The following ELMOD2 variants were observed in gnomAD, a reference collection of about 807,000 sequenced individuals.
The protein encoded by ELMOD2 is ELMO domain containing 2, also known as ELMO domain-containing protein 2.
A neutral mutation model predicts 41.0 loss-of-function variants in ELMOD2; 28 were observed. The ratio of observed to expected loss-of-function variants is 0.68; its 90% CI spans 0.51 to 0.94. The LOEUF (loss-of-function observed/expected upper bound fraction) is 0.94. ELMOD2 is among the 40% of genes least tolerant of loss of function. The pLI, the probability that ELMOD2 is intolerant of heterozygous loss-of-function variation, is 0.00. For synonymous variants in ELMOD2, 106 were observed against 107.2 expected (o/e 0.99, Z 0.07); for missense variants, 333 against 343.1 (o/e 0.97, Z 0.23).
intron 2 of ELMOD2, among the ~76,000 whole-genome samples, chr4:140,527,069 A>G (rs934770399): frequency 3.3e-5 from 5 of 152,138 alleles, no homozygotes; most frequent in East Asian, 1.9e-4. Context: ...TATCACCTCA[A>G]ATCTAAAGGC....
At chr4:140,532,006 G>A (rs1215976518) in intron 3 of ELMOD2, among the ~76,000 whole-genome samples, 3 of 152,014 alleles carry the variant, frequency 2.0e-5, no homozygotes, top group Non-Finnish European at 2.9e-5. Context: ...ACACTTTATG[G>A]GGCCAGTATC....
At chr4:140,540,371 A>T in intron 6 of ELMOD2, 70 bp downstream of exon 6, 5 of 1,530,338 alleles carry the variant, frequency 3.3e-6, no homozygotes, top group Non-Finnish European at 3.6e-6. Context: ...AGTTACTTCT[A>T]ATAAGAAGTG....
chr4:140,541,327 GTTT>G (rs918080539), intron 6 of ELMOD2, among the ~76,000 whole-genome samples: 3 of 151,970 alleles, frequency 2.0e-5, no homozygotes, highest in Non-Finnish European at 4.4e-5. Flanking sequence ...AATATTGATG[GTTT>G]TTTTAATTGT....
intron 3 of ELMOD2, among the ~76,000 whole-genome samples, chr4:140,533,154 G>A (rs1734804551): frequency 6.6e-6 from 1 of 152,110 alleles, no homozygotes; most frequent in Admixed American, 6.6e-5. Flanking sequence ...TTCCCAAATC[G>A]ATCTATGGAT....
intron 3 of ELMOD2, among the ~76,000 whole-genome samples, chr4:140,528,943 T>C (rs1734655618): frequency 6.6e-6 from 1 of 152,232 alleles, no homozygotes. Context: ...TTTATTTGTA[T>C]AGTTCCTTTA....
chr4:140,539,415 G>C (rs1253942452), intron 5 of ELMOD2, among the ~76,000 whole-genome samples: 1 of 151,182 alleles, frequency 6.6e-6, no homozygotes, highest in Admixed American at 6.6e-5. Context: ...AGGCTGGAGT[G>C]CAGTGGCGCC....
At position 140,539,253 on chromosome 4, in the gene ELMOD2, C is replaced by T. The variant is rs1048016687; in HGVS notation, c.400-915C>T. 3.9e-5 allele frequency among the ~76,000 whole-genome samples: 6 copies of T among 151,928 alleles called. No homozygotes were observed. In the East Asian group the frequency reaches 5.8e-4, roughly 15 times the overall value. On this transcript the variant is annotated intron_variant, in intron 5 of 8. Transcript: ENST00000323570. ...TCGCAAACCTTCTTTAGTCAACTTC[C>T]GTAAGTTTCTTTCATTTGATGGCTT... is the stretch of plus-strand genomic sequence containing the variant.
intron 6 of ELMOD2, chr4:140,542,313 T>C (rs1386654907): frequency 8.2e-6 from 2 of 242,778 alleles, no homozygotes; most frequent in Admixed American, 1.1e-4. Context: ...TTTTTTAAGG[T>C]AGTCTCTTTT....
intron 3 of ELMOD2, among the ~76,000 whole-genome samples, chr4:140,533,106 G>C (rs535142262): frequency 6.6e-6 from 1 of 152,266 alleles, no homozygotes; most frequent in East Asian, 1.9e-4. Context: ...ACCATACACT[G>C]TATTCATCCA....
intron 1 of ELMOD2, 87 bp from the exon 2 acceptor site, chr4:140,525,333 T>G: frequency 1.7e-4 from 223 of 1,325,916 alleles, no homozygotes; most frequent in Non-Finnish European, 2.1e-4. Context: ...ATACATAATT[T>G]GAGATTTGAT....
intron 3 of ELMOD2, 58 bp from the exon 4 acceptor site, chr4:140,535,675 C>A: frequency 6.9e-7 from 1 of 1,457,862 alleles, no homozygotes; most frequent in Non-Finnish European, 9.5e-7. Flanking sequence ...TGTCTCACAA[C>A]TATGTCTTTT....
chr4:140,531,964 A>G (rs1734761929), intron 3 of ELMOD2, among the ~76,000 whole-genome samples: 1 of 152,204 alleles, frequency 6.6e-6, no homozygotes, highest in South Asian at 2.1e-4. Context: ...CCACTATTAC[A>G]TTAACTCCTA....
chr4:140,535,717 T>G lies in ELMOD2; in HGVS notation c.172-16T>G. 1 of 1,601,218 alleles carries G rather than the reference T, an allele frequency of 6.2e-7. No homozygotes were observed. On this transcript the variant is annotated splice_polypyrimidine_tract_variant and intron_variant, in intron 3 of 8. Transcript: ENST00000323570. ...ACAAAGAATTTTTCTCATTTGGCTT[T>G]CTTTTACATAAATAGGTTTTACAGA...
chr4:140,530,131 G>A (rs1471012754), intron 3 of ELMOD2, among the ~76,000 whole-genome samples: 3 of 152,138 alleles, frequency 2.0e-5, no homozygotes, highest in Non-Finnish European at 4.4e-5. Flanking sequence ...CTAATTTACT[G>A]TAGAGGTTCT....
intron 8 of ELMOD2, among the ~76,000 whole-genome samples, chr4:140,547,617 A>G (rs1483656144): frequency 6.6e-6 from 1 of 152,164 alleles, no homozygotes; most frequent in African/African-American, 2.4e-5. Flanking sequence ...ATAACATAGA[A>G]TTTACCCATC....
chr4:140,524,555 C>T, intron 1 of ELMOD2: 1 of 980,604 alleles, frequency 1.0e-6, no homozygotes, highest in Non-Finnish European at 1.2e-6. Flanking sequence ...GACTAGATGG[C>T]TTGATTTTCA....
At chr4:140,526,668 A>T (rs1212534043) in intron 2 of ELMOD2, 1 of 152,216 alleles carries the variant, frequency 6.6e-6, no homozygotes, top group Non-Finnish European at 1.5e-5. Flanking sequence ...CAGCTGGTTG[A>T]TTAAGTTTAA....
intron 3 of ELMOD2, chr4:140,527,860 C>T (rs866846449): frequency 9.4e-5 from 17 of 180,578 alleles, no homozygotes; most frequent in Non-Finnish European, 1.5e-4. Flanking sequence ...GGTTGTGTAC[C>T]TTTTGAGCTA....
intron 2 of ELMOD2, chr4:140,526,736 A>G (rs999075527): frequency 2.0e-5 from 3 of 152,202 alleles, no homozygotes; most frequent in Non-Finnish European, 4.4e-5. Flanking sequence ...CTGCTCTTTT[A>G]ATTTGCCCTT....
Sources: gnomAD v4.1 joint callset for allele counts (sites outside exome capture counted in the v4.1 genomes callset) on GRCh38, gnomAD v4.1.1 for gene constraint, MANE v1.5 for transcripts, NCBI Gene and HGNC (gene_info 2026-07-23, HGNC 2026-07-21) for gene names.